Variants in ADAMTS12 observed in about 807,000 individuals in gnomAD.
ADAMTS12 encodes the protein A disintegrin and metalloproteinase with thrombospondin motifs 12.
ADAMTS12 carries 118 observed loss-of-function variants against 167.8 expected under a neutral mutation model. The ratio of observed to expected loss-of-function variants is 0.70; its 90% CI spans 0.61 to 0.82. The LOEUF (loss-of-function observed/expected upper bound fraction) is 0.82. Ranked by LOEUF, ADAMTS12 falls within the 40% of genes least tolerant of loss-of-function variation. The pLI, the probability that ADAMTS12 is intolerant of heterozygous loss-of-function variation, is 0.00. For missense variants in ADAMTS12, 1,916 were observed against 1,998.8 expected (o/e 0.96, Z 0.79); for synonymous variants, 704 against 716.9 (o/e 0.98, Z 0.29).
At chr5:33,857,290 G>C (rs1749439044) in intron 2 of ADAMTS12, among the ~76,000 whole-genome samples, 1 of 152,150 alleles carries the variant, frequency 6.6e-6, no homozygotes, top group South Asian at 2.1e-4. Context: ...GTTGCACAAA[G>C]GGTACAGAGT....
chr5:33,579,101 A>C (rs1348245131), intron 18 of ADAMTS12, among the ~76,000 whole-genome samples: 1 of 152,222 alleles, frequency 6.6e-6, no homozygotes, highest in African/African-American at 2.4e-5. Flanking sequence ...AAGGGAAGGC[A>C]GGAGGTATTT....
At chr5:33,606,531 C>G (rs4355529) in intron 16 of ADAMTS12, among the ~76,000 whole-genome samples, 88,212 of 152,036 alleles carry the variant, frequency 0.58, 25,878 homozygotes, top group East Asian at 0.82. Context: ...TGCGTGCCCA[C>G]TCTAGCCACT....
At chr5:33,669,824 A>G (rs1055061664) in intron 5 of ADAMTS12, among the ~76,000 whole-genome samples, 1 of 152,128 alleles carries the variant, frequency 6.6e-6, no homozygotes, top group Non-Finnish European at 1.5e-5. Flanking sequence ...GAAGAATTTC[A>G]ATCTAAACCT....
chr5:33,872,373 G>A (rs373267742), intron 2 of ADAMTS12, among the ~76,000 whole-genome samples: 43 of 151,912 alleles, frequency 2.8e-4, no homozygotes, highest in East Asian at 2.3e-3. Context: ...GTGAAACCCC[G>A]TCTCCACTAA....
chr5:33,550,360 A>G (rs1176460853), intron 20 of ADAMTS12, among the ~76,000 whole-genome samples: 12 of 152,198 alleles, frequency 7.9e-5, no homozygotes, highest in Non-Finnish European at 1.6e-4. Context: ...AGTGCTTGCC[A>G]TAGGCCTTCT....
chr5:33,591,468 T>C (rs1411076724), intron 17 of ADAMTS12, among the ~76,000 whole-genome samples: 3 of 152,232 alleles, frequency 2.0e-5, no homozygotes, highest in Non-Finnish European at 4.4e-5. Flanking sequence ...TTTGTACTAA[T>C]ATTTTTCCTA....
intron 3 of ADAMTS12, among the ~76,000 whole-genome samples, chr5:33,714,392 C>T (rs971105975): frequency 3.3e-5 from 5 of 152,050 alleles, no homozygotes; most frequent in African/African-American, 1.2e-4. Context: ...ACAGTATAAG[C>T]GTTTCTCAAA....
chr5:33,804,365 C>G (rs1201177137), intron 2 of ADAMTS12, among the ~76,000 whole-genome samples: 1 of 152,186 alleles, frequency 6.6e-6, no homozygotes, highest in African/African-American at 2.4e-5. Context: ...CCCATCACTG[C>G]CATGGGAAGA....
intron 2 of ADAMTS12, among the ~76,000 whole-genome samples, chr5:33,872,364 T>C (rs946001539): frequency 6.6e-5 from 10 of 151,740 alleles, no homozygotes; most frequent in African/African-American, 1.2e-4. Context: ...GCCAATATGG[T>C]GAAACCCCGT....
At chr5:33,554,189 G>A (rs1745386271) in intron 20 of ADAMTS12, among the ~76,000 whole-genome samples, 1 of 152,242 alleles carries the variant, frequency 6.6e-6, no homozygotes. Flanking sequence ...AAATGCTCAT[G>A]TGGCTGGCAA....
At chr5:33,693,348 T>C (rs749014846) in intron 3 of ADAMTS12, among the ~76,000 whole-genome samples, 4 of 152,200 alleles carry the variant, frequency 2.6e-5, no homozygotes, top group African/African-American at 4.8e-5. Context: ...CTGATGAGAC[T>C]TCATTTTTAA....
intron 2 of ADAMTS12, among the ~76,000 whole-genome samples, chr5:33,816,600 G>T (rs1175299570): frequency 6.6e-6 from 1 of 152,062 alleles, no homozygotes; most frequent in Non-Finnish European, 1.5e-5. Context: ...ATCCAATCAA[G>T]AATTACTACT....
At chr5:33,767,384 CT>C (rs1443781251) in intron 2 of ADAMTS12, among the ~76,000 whole-genome samples, 1 of 152,102 alleles carries the variant, frequency 6.6e-6, no homozygotes, top group Non-Finnish European at 1.5e-5. Flanking sequence ...GCATTTGCTA[CT>C]GCTTTTCTTT....
chr5:33,850,053 G>C (rs1446505820), intron 2 of ADAMTS12, among the ~76,000 whole-genome samples: 2 of 152,022 alleles, frequency 1.3e-5, no homozygotes, highest in Non-Finnish European at 2.9e-5. Context: ...ATTATAAAAC[G>C]AAGGGGGAAA....
At chr5:33,542,079 T>C (rs116740089) in intron 22 of ADAMTS12, among the ~76,000 whole-genome samples, 1,674 of 151,864 alleles carry the variant, frequency 0.011, 30 homozygotes, top group African/African-American at 0.039. Flanking sequence ...TTGGTGTGTA[T>C]ATTCAGGAGA....
In ADAMTS12 at chr5:33,588,692, T is replaced by C. The variant is rs549118996; in HGVS notation, c.2772A>G (p.Thr924=). The C allele has an allele frequency of 3.1e-6, 5 of 1,614,130 alleles. No homozygotes were observed. In the African/African-American group the frequency reaches 6.7e-5, roughly 22 times the overall value. The part of the protein sequence containing the change: ...MVSDEQALPP[T]DCQHLLKPKT... ...TGGGCTTCAGCAGGTGCTGGCAGTC[T>C]GTGGGCGGGAGAGCCTGCTCGTCAG... The change falls in exon 18 of 24, where the codon ACA becomes ACG. Residue 924 remains threonine (T), a synonymous_variant. Transcript: ENST00000504830.
intron 13 of ADAMTS12, among the ~76,000 whole-genome samples, chr5:33,627,525 G>C (rs1739721551): frequency 2.6e-5 from 4 of 151,974 alleles, no homozygotes; most frequent in Admixed American, 2.0e-4. Context: ...AGTGGTGGTG[G>C]TATAGTGAGT....
At chr5:33,706,956 C>A (rs1743225574) in intron 3 of ADAMTS12, among the ~76,000 whole-genome samples, 1 of 152,148 alleles carries the variant, frequency 6.6e-6, no homozygotes, top group Admixed American at 6.5e-5. Flanking sequence ...CTGGCCAGGG[C>A]AATCAAGCAA....
intron 4 of ADAMTS12, 29 bp from the exon 5 acceptor site, chr5:33,683,130 T>C: frequency 4.6e-6 from 7 of 1,516,318 alleles, no homozygotes; most frequent in Non-Finnish European, 6.4e-6. Flanking sequence ...AACCATTAGC[T>C]CCACACGAAG....
Sources: gnomAD v4.1 joint callset for allele counts (sites outside exome capture counted in the v4.1 genomes callset) on GRCh38, gnomAD v4.1.1 for gene constraint, MANE v1.5 for transcripts, NCBI Gene and HGNC (gene_info 2026-07-23, HGNC 2026-07-21) for gene names.